CLSTN1: variants seen among roughly 807,000 people sequenced by gnomAD.
CLSTN1 encodes the protein calsyntenin-1.
A neutral mutation model predicts 108.3 loss-of-function variants in CLSTN1; 28 were observed. The observed-to-expected ratio is 0.26, with a 90% confidence interval of 0.19 to 0.35. The LOEUF (loss-of-function observed/expected upper bound fraction) is 0.35. CLSTN1 is among the 10% of genes least tolerant of loss of function. CLSTN1 has a pLI of 1.00. For missense variants in CLSTN1, 1,157 were observed against 1,302.6 expected, an observed-to-expected ratio of 0.89 and a Z score of 1.72; for synonymous variants, 524 against 534.9, an observed-to-expected ratio of 0.98 and a Z score of 0.28.
In CLSTN1 at chr1:9,749,994, G is replaced by C. The variant is rs546680406; in HGVS notation, c.650-81C>G. On this transcript the variant is annotated intron_variant, in intron 5 of 18. Transcript: ENST00000377298. ...GTTGTCCTAGGCGGAAAGACAAAAT[G>C]CATAGGCTTTAAGCCCTGTAAATAC... is the stretch of plus-strand genomic sequence containing the variant. The C allele has an allele frequency of 7.7e-5, 92 of 1,189,126 alleles. No individual in the cohort carries two copies. In the South Asian group the frequency reaches 1.2e-3, roughly 16 times the overall value. The allele number at this position is 1,189,126 out of a possible 1,614,324, so 73.7% of individuals were successfully genotyped here.
chr1:9,779,484 G>A (rs566451756), intron 1 of CLSTN1, among the ~76,000 whole-genome samples: 2 of 152,276 alleles, frequency 1.3e-5, no homozygotes, highest in Non-Finnish European at 1.5e-5. Context: ...TTGAACCCGG[G>A]AGGTGGAGGT....
At chr1:9,789,424 C>T (rs1295640498) in intron 1 of CLSTN1, among the ~76,000 whole-genome samples, 1 of 151,366 alleles carries the variant, frequency 6.6e-6, no homozygotes, top group Non-Finnish European at 1.5e-5. Flanking sequence ...TTTACCTTCT[C>T]GTATTGTGTA....
chr1:9,732,237 G>C (rs1358207850), intron 16 of CLSTN1, among the ~76,000 whole-genome samples: 1 of 152,122 alleles, frequency 6.6e-6, no homozygotes, highest in African/African-American at 2.4e-5. Context: ...GCCCGGGCTG[G>C]AGCGCAGTAG....
chr1:9,793,050 C>A (rs1209581885), intron 1 of CLSTN1, among the ~76,000 whole-genome samples: 1 of 151,176 alleles, frequency 6.6e-6, no homozygotes, highest in African/African-American at 2.4e-5. Flanking sequence ...CTCAATCTGT[C>A]CGCCCAGGCT....
At chr1:9,741,944 C>A (rs1651005396) in intron 9 of CLSTN1, among the ~76,000 whole-genome samples, 1 of 152,190 alleles carries the variant, frequency 6.6e-6, no homozygotes, top group African/African-American at 2.4e-5. Context: ...TGCCTTTAAT[C>A]TCAGAATAAG....
chr1:9,734,735 C>T lies in CLSTN1; in HGVS notation c.2110+213G>A. ...CCACATCTCAAAGCCTGGCAGCAAC[C>T]AGGAAAAGATGTAAGACCCCTCCAG... On this transcript the variant is annotated intron_variant, in intron 14 of 18. Transcript: ENST00000377298. This position sits in a 1 kb window ranked among gnomAD's most constrained non-coding sequence, Gnocchi z 4.8. Among the ~76,000 whole-genome samples, 1 of 152,102 alleles carries T rather than the reference C, an allele frequency of 6.6e-6. No individual in the cohort carries two copies. The highest frequency in any genetic ancestry group is 1.9e-4 in the East Asian group (1 of 5,180).
intron 2 of CLSTN1, among the ~76,000 whole-genome samples, chr1:9,772,187 G>A (rs546683072): frequency 3.4e-4 from 47 of 136,426 alleles, no homozygotes; most frequent in African/African-American, 1.2e-3. Flanking sequence ...GGGTTTCACC[G>A]TGTTAGCCAG....
In CLSTN1 at chr1:9,749,446, G is replaced by T. The variant is rs570891384; in HGVS notation, c.985+15C>A. Reference sequence around the variant, plus strand: ...ACCAAAGCCAGCCGGATGCAAGAACGCCTGGTCTCCTTACCACAGAGCCGG... The same window carrying T: ...ACCAAAGCCAGCCGGATGCAAGAACTCCTGGTCTCCTTACCACAGAGCCGG... On this transcript the variant is annotated intron_variant, in intron 7 of 18. Coordinates refer to ENST00000377298, the MANE Select transcript of CLSTN1 (RefSeq NM_001009566.3). The T allele has an allele frequency of 6.3e-7, 1 of 1,592,990 alleles. No individual in the cohort carries two copies. The highest frequency in any genetic ancestry group is 8.5e-7 in the Non-Finnish European group (1 of 1,172,362).
chr1:9,771,953 T>C (rs1475582222), intron 2 of CLSTN1, among the ~76,000 whole-genome samples: 1 of 152,040 alleles, frequency 6.6e-6, no homozygotes, highest in Non-Finnish European at 1.5e-5. Context: ...CAATTTTTCT[T>C]ATTTGTCCCT....
chr1:9,731,462 G>A, intron 17 of CLSTN1, 72 bp from the exon 18 acceptor site: 2 of 1,492,698 alleles, frequency 1.3e-6, no homozygotes, highest in Non-Finnish European at 1.8e-6. Context: ...GACCTCCTCG[G>A]CTGTGCCTGG....
At chr1:9,731,516 A>G in intron 17 of CLSTN1, 126 bp from the exon 18 acceptor site, 1 of 1,105,266 alleles carries the variant, frequency 9.0e-7, no homozygotes, top group Non-Finnish European at 1.3e-6. Context: ...CCCACAGGCC[A>G]GGAGGAAATA....
At chr1:9,779,445 T>C (rs916406986) in intron 1 of CLSTN1, among the ~76,000 whole-genome samples, 3 of 152,024 alleles carry the variant, frequency 2.0e-5, no homozygotes, top group African/African-American at 4.8e-5. Flanking sequence ...TAATCCCAGC[T>C]ACTCAGGAGG....
chr1:9,781,082 G>C (rs945083986), intron 1 of CLSTN1: 10 of 675,456 alleles, frequency 1.5e-5, no homozygotes, highest in Non-Finnish European at 2.4e-5. Flanking sequence ...CATTCTGCTT[G>C]AGATTTCAAG....
intron 11 of CLSTN1, among the ~76,000 whole-genome samples, chr1:9,736,481 G>A (rs1464771267): frequency 1.3e-5 from 2 of 152,194 alleles, no homozygotes; most frequent in Admixed American, 1.3e-4. Context: ...GCGAGGCAGG[G>A]AGGATAAAAG....
At chr1:9,774,095 T>C (rs1652824721) in intron 1 of CLSTN1, among the ~76,000 whole-genome samples, 2 of 152,026 alleles carry the variant, frequency 1.3e-5, no homozygotes, top group Non-Finnish European at 2.9e-5. Context: ...TGGAATGTAG[T>C]GGTAGGATCT....
intron 2 of CLSTN1, among the ~76,000 whole-genome samples, chr1:9,759,455 T>C (rs1347264633): frequency 6.6e-6 from 1 of 152,202 alleles, no homozygotes; most frequent in African/African-American, 2.4e-5. Context: ...TTTTTGTTAT[T>C]GTATTTTTAG....
Position 9,734,842 on chromosome 1 carries a change from T to G in CLSTN1, c.2110+106A>C. On this transcript the variant is annotated intron_variant, in intron 14 of 18. Transcript: ENST00000377298. The surrounding 1 kb of genome is among the most constrained non-coding windows in gnomAD (Gnocchi z 4.8). ...ACCCGAGAGAACACCAACGAAAGAT[T>G]AAAACCTCCCCAAATCCCACAGAGA... 1 of 965,216 alleles carries G rather than the reference T, an allele frequency of 1.0e-6. No homozygotes were observed. The highest frequency in any genetic ancestry group is 1.6e-6 in the Non-Finnish European group (1 of 630,012). 59.8% of individuals were successfully genotyped at this position (965,216 alleles called of 1,614,324 possible).
In CLSTN1 at chr1:9,730,750, A is replaced by G; in HGVS notation, c.2749-45T>C. Reference sequence around the variant, plus strand: ...GCCACATGAGTCCGGCCCTGCCCACAGCCCCGTCACCTGGCATTCTCCTCT... The same window carrying G: ...GCCACATGAGTCCGGCCCTGCCCACGGCCCCGTCACCTGGCATTCTCCTCT... On this transcript the variant is annotated intron_variant, in intron 18 of 18. Transcript: ENST00000377298. The surrounding 1 kb of genome is among the most constrained non-coding windows in gnomAD (Gnocchi z 5.6). 10 of 1,525,584 alleles carry G rather than the reference A, an allele frequency of 6.6e-6. No individual in the cohort carries two copies. The highest frequency in any genetic ancestry group is 8.0e-6 in the Non-Finnish European group (9 of 1,129,064). The allele number at this position is 1,525,584 out of a possible 1,614,324, so 94.5% of individuals were successfully genotyped here.
chr1:9,748,461 G>A (rs569227161), intron 7 of CLSTN1, among the ~76,000 whole-genome samples: 5 of 152,048 alleles, frequency 3.3e-5, no homozygotes, highest in Non-Finnish European at 7.4e-5. Context: ...CTTCATGTTT[G>A]TCAAAAGCTA....
Sources: gnomAD v4.1 joint callset for allele counts (sites outside exome capture counted in the v4.1 genomes callset) on GRCh38, gnomAD v4.1.1 for gene constraint, Gnocchi (gnomAD v3.1) non-coding constraint, MANE v1.5 for transcripts, NCBI Gene and HGNC (gene_info 2026-07-23, HGNC 2026-07-21) for gene names.